Variants in TNFRSF18 observed in about 807,000 individuals in gnomAD.
The protein encoded by TNFRSF18 is TNF receptor superfamily member 18.
A neutral mutation model predicts 30.2 loss-of-function variants in TNFRSF18; 36 were observed. That is an observed-to-expected ratio of 1.19 (90% CI 0.91 to 1.58). TNFRSF18 has a LOEUF of 1.58. Ranked by LOEUF, TNFRSF18 falls within the 40% of genes most tolerant of loss-of-function variation. The probability of loss-of-function intolerance (pLI) is 0.00; values close to 1 mark genes in which losing one functional copy is unlikely to be tolerated. For missense variants in TNFRSF18, 369 were observed against 345.4 expected (o/e 1.07, Z -0.54); for synonymous variants, 173 against 158.3 (o/e 1.09, Z -0.70).
intron 3 of TNFRSF18, 78 bp downstream of exon 3, chr1:1,204,321 G>A (rs1302188958): frequency 6.3e-7 from 1 of 1,594,278 alleles, no homozygotes; most frequent in Admixed American, 1.7e-5. Context: ...TGCTGTCTGG[G>A]GCAAGGGACA....
intron 1 of TNFRSF18, among the ~76,000 whole-genome samples, chr1:1,206,175 C>T (rs1326744045): frequency 3.9e-5 from 6 of 152,190 alleles, no homozygotes; most frequent in African/African-American, 9.6e-5. Flanking sequence ...CCCCTGCTCC[C>T]GGCCGGGGCC....
At position 1,203,587 on chromosome 1, in the gene TNFRSF18, C is replaced by G; in HGVS notation, c.*257G>C. On this transcript the variant is annotated 3_prime_UTR_variant, in exon 5 of 5. Transcript: ENST00000379268. ...CTGCACACCCACGGACACAGCCTCC[C>G]GTCCTAAGACCCCACCCCATCAGGG... 4.0e-6 allele frequency: 6 copies of G among 1,500,068 alleles called. No homozygotes were observed. The highest frequency in any genetic ancestry group is 1.4e-5 in the African/African-American group (1 of 71,616). 92.9% of individuals were successfully genotyped at this position (1,500,068 alleles called of 1,614,324 possible).
rs747772830 is a variant in TNFRSF18, at chr1:1,206,486, G to A, written c.86C>T (p.Thr29Ile). 2.6e-6 allele frequency: 4 copies of A among 1,546,196 alleles called. No homozygotes were observed. Among genetic ancestry groups the A allele is most frequent in the African/African-American group, 1.4e-5 (1 of 72,586 alleles). Residue 29 changes from threonine to isoleucine, a missense_variant, in exon 1 of 5, where the codon ACC becomes ATC. Transcript: ENST00000379268. ...LCALSLGQRP[T>I]GGPGCGPGRL... The stretch of plus-strand genomic sequence containing the variant: ...CCCAGGGCCGCACCCGGGACCCCCG[G>A]TGGGGCGCTGACCCAGGCTGAGCGC...
intron 2 of TNFRSF18, 30 bp from the exon 3 acceptor site, chr1:1,204,516 G>T: frequency 6.8e-7 from 1 of 1,467,566 alleles, no homozygotes; most frequent in South Asian, 1.1e-5. Flanking sequence ...GAGGGAGGGA[G>T]GGAGGCTGGT....
intron 1 of TNFRSF18, 154 bp from the exon 2 acceptor site, chr1:1,205,646 G>C: frequency 1.3e-6 from 1 of 769,172 alleles, no homozygotes. Flanking sequence ...TCTGGACCCT[G>C]GGTTTATCCA....
intron 2 of TNFRSF18, among the ~76,000 whole-genome samples, chr1:1,205,148 C>A (rs375227899): frequency 6.6e-6 from 1 of 152,178 alleles, no homozygotes; most frequent in African/African-American, 2.4e-5. Context: ...TCACAGCCCT[C>A]GTGCTGGATG....
rs1373079322 is a variant in TNFRSF18 at position 1,205,487 on chromosome 1, C to T, written c.193G>A (p.Glu65Lys). Residue 65 changes from glutamate to lysine, a missense_variant, in exon 2 of 5, where the codon GAG becomes AAG. Coordinates refer to ENST00000379268, the MANE Select transcript of TNFRSF18 (RefSeq NM_004195.3). ...ATGCAGTCCCACTCGGAACAGCACT[C>T]CTCGCCTGGGCAGGAGACAGGCCAG... ...TRCCRDYPGE[E>K]CCSEWDCMCV... is the part of the protein sequence containing the mutation. 3 of 1,611,522 alleles carry T rather than the reference C, an allele frequency of 1.9e-6. No homozygotes were observed. Among genetic ancestry groups the T allele is most frequent in the Admixed American group, 1.7e-5 (1 of 59,898 alleles).
At chr1:1,204,513 G>T in intron 2 of TNFRSF18, 27 bp from the exon 3 acceptor site, 3 of 1,460,532 alleles carry the variant, frequency 2.1e-6, no homozygotes, top group South Asian at 1.1e-5. Flanking sequence ...GGGGAGGGAG[G>T]GAGGGAGGCT....
At position 1,203,793 on chromosome 1, in the gene TNFRSF18, G is replaced by T; in HGVS notation, c.*51C>A. On this transcript the variant is annotated 3_prime_UTR_variant, in exon 5 of 5. Transcript: ENST00000379268. ...ACGCAGAGCCCCTGCGGCCTGGGGA[G>T]CTCCTGGGGAGGGGCTGGCTGCGGT... 6.4e-7 allele frequency: 1 copy of T among 1,571,852 alleles called. No homozygotes were observed. Among genetic ancestry groups the T allele is most frequent in the Non-Finnish European group, 8.6e-7 (1 of 1,165,026 alleles).
chr1:1,205,145 C>G (rs887232634), intron 2 of TNFRSF18, among the ~76,000 whole-genome samples: 1 of 152,228 alleles, frequency 6.6e-6, no homozygotes, highest in Non-Finnish European at 1.5e-5. Flanking sequence ...TTCTCACAGC[C>G]CTCGTGCTGG....
At chr1:1,204,008 C>G in intron 4 of TNFRSF18, 26 bp downstream of exon 4, 2 of 1,607,536 alleles carry the variant, frequency 1.2e-6, no homozygotes, top group Middle Eastern at 1.7e-4. Context: ...CATGCTCCCA[C>G]CTCCCCGCAC....
At chr1:1,205,585 C>G (rs927883092) in intron 1 of TNFRSF18, 93 bp from the exon 2 acceptor site, 27 of 1,390,222 alleles carry the variant, frequency 1.9e-5, no homozygotes, top group Non-Finnish European at 2.6e-5. Context: ...TGAGGTTGTC[C>G]GTTCTCCACC....
intron 1 of TNFRSF18, 105 bp from the exon 2 acceptor site, chr1:1,205,597 A>T (rs908555044): frequency 7.7e-7 from 1 of 1,292,160 alleles, no homozygotes; most frequent in Non-Finnish European, 1.1e-6. Context: ...TTCTCCACCC[A>T]CAGTTGGCTC....
At position 1,203,923 on chromosome 1, in the gene TNFRSF18, C is replaced by T; in HGVS notation, c.647G>A (p.Arg216Lys). 1.2e-6 allele frequency: 2 copies of T among 1,608,002 alleles called. No individual in the cohort carries two copies. The highest frequency in any genetic ancestry group is 8.5e-7 in the Non-Finnish European group (1 of 1,179,578). ...LEVPPSTEDA[R>K]SCQFPEEERG... ...CTCTTCCTCGGGGAACTGGCAGCTT[C>T]TGGCGTCTTCGGTCGACGGCGGCAC... is the stretch of plus-strand genomic sequence containing the variant. The change falls in exon 5 of 5, where the codon AGA becomes AAA. Residue 216 changes from arginine to lysine, a missense_variant. Arg to Lys is a conservative substitution (Grantham distance 26). Transcript: ENST00000379268.
chr1:1,204,429 C>A lies in TNFRSF18; in HGVS notation c.368G>T (p.Gly123Val), dbSNP rs747331087. ...CCAAGGTTTGCAGTGGCCTTCGTGG[C>A]CCCCGGAGAAGGTCCCCGAGGCACA... ...IDCASGTFSGGHEGHCKPWTD... is the reference protein window; with the variant it reads ...IDCASGTFSGVHEGHCKPWTD... The change falls in exon 3 of 5, where the codon GGC becomes GTC. Residue 123 changes from glycine to valine, a missense_variant. Transcript: ENST00000379268. 2 of 1,612,668 alleles carry A rather than the reference C, an allele frequency of 1.2e-6. No individual in the cohort carries two copies. Among genetic ancestry groups the A allele is most frequent in the South Asian group, 2.2e-5 (2 of 91,074 alleles).
In TNFRSF18 at chr1:1,206,511, C is replaced by T. The variant is rs367652993; in HGVS notation, c.61G>A (p.Ala21Thr). ...RALCGLALLC[A>T]LSLGQRPTGG... Reference sequence around the variant, plus strand: ...GTGGGGCGCTGACCCAGGCTGAGCGCGCACAGCAGCGCCAGGCCGCACAGG... The same window carrying T: ...GTGGGGCGCTGACCCAGGCTGAGCGTGCACAGCAGCGCCAGGCCGCACAGG... Residue 21 changes from alanine (A) to threonine (T), a missense_variant, in exon 1 of 5, where the codon GCG becomes ACG. Ala to Thr is a moderately conservative substitution (Grantham distance 58). Transcript: ENST00000379268. 20 of 1,541,906 alleles carry T rather than the reference C, an allele frequency of 1.3e-5. No homozygotes were observed. The highest frequency in any genetic ancestry group is 6.9e-5 in the African/African-American group (5 of 72,098).
intron 2 of TNFRSF18, among the ~76,000 whole-genome samples, chr1:1,205,108 G>A (rs1356048488): frequency 3.9e-5 from 6 of 152,148 alleles, no homozygotes; most frequent in Non-Finnish European, 8.8e-5. Context: ...GACAGCTCCT[G>A]GAACCCGCCC....
chr1:1,204,201 C>T lies in TNFRSF18; in HGVS notation c.434G>A (p.Gly145Glu). 1 of 1,611,974 alleles carries T rather than the reference C, an allele frequency of 6.2e-7. No homozygotes were observed. ...GCACACAGCGTTGTGGGTCTTGTTC[C>T]CAGGGAACACAGTGAGAAACCCGAA... ...TQFGFLTVFP[G>E]NKTHNAVCVP... The change falls in exon 4 of 5, where the codon GGG becomes GAG. Residue 145 changes from glycine to glutamate, a missense_variant. Transcript: ENST00000379268.
intron 1 of TNFRSF18, 31 bp downstream of exon 1, chr1:1,206,354 G>C: frequency 1.3e-6 from 2 of 1,542,306 alleles, no homozygotes; most frequent in Non-Finnish European, 1.7e-6. Flanking sequence ...CGCCTTGGCC[G>C]GTCCGCGTTA....
Sources: allele counts gnomAD v4.1 joint callset (sites outside exome capture counted in the v4.1 genomes callset), GRCh38; gene constraint gnomAD v4.1.1; transcripts MANE v1.5; gene names NCBI Gene and HGNC (gene_info 2026-07-23, HGNC 2026-07-21).